PCCA: variants seen among roughly 807,000 people sequenced by gnomAD.
PCCA encodes the protein propionyl-CoA carboxylase subunit alpha, also known as propionyl-CoA carboxylase alpha chain, mitochondrial.
A neutral mutation model predicts 101.3 loss-of-function variants in PCCA; 74 were observed. The ratio of observed to expected loss-of-function variants is 0.73; its 90% CI spans 0.61 to 0.89. The LOEUF (loss-of-function observed/expected upper bound fraction) is 0.89. PCCA is among the 40% of genes least tolerant of loss of function. The pLI is 0.00. For synonymous variants in PCCA, 294 were observed against 313.6 expected, an observed-to-expected ratio of 0.94 and a Z score of 0.66; for missense variants, 891 against 907.0, an observed-to-expected ratio of 0.98 and a Z score of 0.23.
At chr13:100,283,933 T>C (rs2064350439) in intron 12 of PCCA, among the ~76,000 whole-genome samples, 1 of 152,186 alleles carries the variant, frequency 6.6e-6, no homozygotes, top group Non-Finnish European at 1.5e-5. Context: ...AGGACGAAGA[T>C]TCCCTGGGTC....
At chr13:100,374,497 G>A (rs1366554318) in intron 19 of PCCA, among the ~76,000 whole-genome samples, 2 of 152,050 alleles carry the variant, frequency 1.3e-5, no homozygotes, top group Admixed American at 6.6e-5. Flanking sequence ...GTACAGTGGT[G>A]CGCACCTATA....
At chr13:100,354,777 C>T (rs904704024) in intron 18 of PCCA, among the ~76,000 whole-genome samples, 1 of 152,160 alleles carries the variant, frequency 6.6e-6, no homozygotes, top group African/African-American at 2.4e-5. Context: ...AAGATACAGA[C>T]TGCCAACACT....
At position 100,089,141 on chromosome 13, in the gene PCCA, G is replaced by T; in HGVS notation, c.21G>T (p.Gly7=). The change falls in exon 1 of 24, where the codon GGG becomes GGT. Residue 7 remains glycine, a synonymous_variant. Transcript: ENST00000376285. MAGFWV[G]TAPLVAAGRR... ...CAACAATGGCGGGGTTCTGGGTCGG[G>T]ACAGCACCGCTGGTCGCTGCCGGAC... 6.6e-7 allele frequency: 1 copy of T among 1,523,188 alleles called. No individual in the cohort carries two copies. The highest frequency in any genetic ancestry group is 1.3e-5 in the South Asian group (1 of 79,600). 94.4% of individuals were successfully genotyped at this position (1,523,188 alleles called of 1,614,324 possible).
chr13:100,506,450 C>T (rs1457236212), intron 21 of PCCA, among the ~76,000 whole-genome samples: 7 of 152,198 alleles, frequency 4.6e-5, no homozygotes, highest in Non-Finnish European at 7.3e-5. Flanking sequence ...CGGTCTACCT[C>T]ACAGTATCAC....
intron 18 of PCCA, among the ~76,000 whole-genome samples, chr13:100,342,089 G>A (rs925377049): frequency 1.3e-5 from 2 of 151,166 alleles, no homozygotes; most frequent in African/African-American, 4.9e-5. Flanking sequence ...AATTACTTGT[G>A]CAAGATAAAC....
chr13:100,200,972 A>G (rs2058447327), intron 6 of PCCA, among the ~76,000 whole-genome samples: 1 of 152,078 alleles, frequency 6.6e-6, no homozygotes, highest in Admixed American at 6.6e-5. Flanking sequence ...TCTGACTCTC[A>G]AGGATAGGGG....
At chr13:100,337,714 G>T (rs2070712574) in intron 17 of PCCA, among the ~76,000 whole-genome samples, 2 of 152,158 alleles carry the variant, frequency 1.3e-5, no homozygotes, top group South Asian at 4.1e-4. Context: ...CTAATAGTTG[G>T]TTAGACCAGA....
At chr13:100,499,974 AT>A (rs1249709830) in intron 21 of PCCA, among the ~76,000 whole-genome samples, 19 of 152,108 alleles carry the variant, frequency 1.2e-4, no homozygotes, top group South Asian at 8.3e-4. Context: ...TAACAGATTC[AT>A]TTTTTCTTTT....
intron 4 of PCCA, among the ~76,000 whole-genome samples, chr13:100,120,553 A>G (rs1386523170): frequency 6.6e-6 from 1 of 152,182 alleles, no homozygotes; most frequent in Non-Finnish European, 1.5e-5. Flanking sequence ...ATAAAGACTG[A>G]TCTAGAGCAG....
At chr13:100,332,323 C>G (rs1269178031) in intron 17 of PCCA, among the ~76,000 whole-genome samples, 1 of 152,062 alleles carries the variant, frequency 6.6e-6, no homozygotes, top group Non-Finnish European at 1.5e-5. Context: ...GTTTCTTGTC[C>G]TTCCTAAAAT....
intron 18 of PCCA, among the ~76,000 whole-genome samples, chr13:100,344,842 G>T (rs2071949072): frequency 6.6e-6 from 1 of 151,724 alleles, no homozygotes; most frequent in Non-Finnish European, 1.5e-5. Context: ...TGTGTTCACT[G>T]TCTCTGTGTC....
At chr13:100,217,635 C>G (rs1323930295) in intron 7 of PCCA, among the ~76,000 whole-genome samples, 1 of 149,292 alleles carries the variant, frequency 6.7e-6, no homozygotes, top group Non-Finnish European at 1.5e-5. Context: ...AAAAATCCAC[C>G]TGAGGTCAGG....
At chr13:100,409,138 A>G (rs552019924) in intron 19 of PCCA, among the ~76,000 whole-genome samples, 46 of 152,246 alleles carry the variant, frequency 3.0e-4, no homozygotes, top group African/African-American at 1.0e-3. Flanking sequence ...CTCCCAAAAA[A>G]GGAAGAAAAG....
chr13:100,234,030 A>G (rs1429057478), intron 7 of PCCA, among the ~76,000 whole-genome samples: 1 of 152,224 alleles, frequency 6.6e-6, no homozygotes, highest in Admixed American at 6.5e-5. Flanking sequence ...TGAACTTTTT[A>G]CAATAGCAGT....
intron 8 of PCCA, chr13:100,237,345 T>A (rs1186795246): frequency 1.3e-5 from 2 of 152,232 alleles, no homozygotes; most frequent in Non-Finnish European, 2.9e-5. Flanking sequence ...TTGATATAGG[T>A]CCTGGATTTA....
chr13:100,314,206 A>G (rs1381200024), intron 16 of PCCA, among the ~76,000 whole-genome samples: 1 of 152,072 alleles, frequency 6.6e-6, no homozygotes, highest in African/African-American at 2.4e-5. Flanking sequence ...TTTGCTTACT[A>G]TTATCAGTTT....
Position 100,214,201 on chromosome 13 carries a change from C to T in PCCA, c.600+4738C>T, listed in dbSNP as rs191307127. ...CAGGATAGCTTTGCCTATCCTGGGTCTTTTGTGGTTCTATATAAATTTTAG... is the reference window on the plus strand; with the variant it reads ...CAGGATAGCTTTGCCTATCCTGGGTTTTTTGTGGTTCTATATAAATTTTAG... On this transcript the variant is annotated intron_variant, in intron 7 of 23. Coordinates refer to ENST00000376285, the MANE Select transcript of PCCA (RefSeq NM_000282.4). Among the ~76,000 whole-genome samples the T allele has an allele frequency of 2.8e-3, 420 of 151,812 alleles. 6 individuals carry two copies. In the South Asian group the frequency reaches 0.028, roughly 10 times the overall value.
At chr13:100,461,419 A>T (rs918328505) in intron 21 of PCCA, among the ~76,000 whole-genome samples, 5 of 152,236 alleles carry the variant, frequency 3.3e-5, no homozygotes, top group African/African-American at 1.2e-4. Context: ...AATTTAACTA[A>T]TTAAAAAATG....
At chr13:100,520,658 G>A (rs1482027974) in intron 22 of PCCA, among the ~76,000 whole-genome samples, 13 of 100,212 alleles carry the variant, frequency 1.3e-4, no homozygotes, top group African/African-American at 3.0e-4. Flanking sequence ...AAAAAAAAAA[G>A]AGTTGGTTTT....
Sources: allele counts gnomAD v4.1 joint callset (sites outside exome capture counted in the v4.1 genomes callset), GRCh38; gene constraint gnomAD v4.1.1; transcripts MANE v1.5; gene names NCBI Gene and HGNC (gene_info 2026-07-23, HGNC 2026-07-21).